Variants in CNTNAP5 observed in about 807,000 individuals in gnomAD.
CNTNAP5 encodes the protein contactin-associated protein-like 5.
CNTNAP5 carries 72 observed loss-of-function variants against 150.2 expected under a neutral mutation model. The observed-to-expected ratio is 0.48, with a 90% confidence interval of 0.40 to 0.58. The LOEUF is 0.58. Among genes scored for constraint, CNTNAP5 ranks in the 20% least tolerant of loss-of-function variants. The pLI is 0.00. For synonymous variants in CNTNAP5, 672 were observed against 619.8 expected, an observed-to-expected ratio of 1.08 and a Z score of -1.25; for missense variants, 1,636 against 1,626.2, an observed-to-expected ratio of 1.01 and a Z score of -0.10.
intron 1 of CNTNAP5, among the ~76,000 whole-genome samples, chr2:124,040,482 C>A (rs149791418): frequency 6.6e-6 from 1 of 152,052 alleles, no homozygotes; most frequent in East Asian, 1.9e-4. Context: ...GGTATTGATT[C>A]GTCGTTTTCA....
chr2:124,748,389 T>C (rs1680653328), intron 14 of CNTNAP5, among the ~76,000 whole-genome samples: 1 of 152,184 alleles, frequency 6.6e-6, no homozygotes, highest in South Asian at 2.1e-4. Flanking sequence ...GAAGCTTCCA[T>C]GCCCATTACA....
At chr2:124,783,198 G>C (rs1435082076) in intron 17 of CNTNAP5, among the ~76,000 whole-genome samples, 1 of 152,090 alleles carries the variant, frequency 6.6e-6, no homozygotes, top group Non-Finnish European at 1.5e-5. Context: ...TTCAGTTTGT[G>C]AAAAATTATC....
intron 19 of CNTNAP5, among the ~76,000 whole-genome samples, chr2:124,833,343 C>T (rs777233954): frequency 6.3e-4 from 96 of 152,234 alleles, no homozygotes; most frequent in Middle Eastern, 6.8e-3. Context: ...GAGAGACCCA[C>T]CTAGTCATCT....
At chr2:124,864,802 A>C (rs57754570) in intron 19 of CNTNAP5, among the ~76,000 whole-genome samples, 2 of 152,132 alleles carry the variant, frequency 1.3e-5, no homozygotes, top group Non-Finnish European at 2.9e-5. Flanking sequence ...GGGTTAATGG[A>C]CCCTAAAGGG....
intron 13 of CNTNAP5, among the ~76,000 whole-genome samples, chr2:124,707,036 AAGAAGG>A (rs759116951): frequency 0.014 from 1,350 of 99,584 alleles, 112 homozygotes; most frequent in African/African-American, 0.028. Context: ...GAAGAAGAAG[AAGAAGG>A]AGGAGGAGGA....
intron 4 of CNTNAP5, among the ~76,000 whole-genome samples, chr2:124,419,944 C>CTTTCT (rs1171193214): frequency 4.3e-5 from 5 of 117,046 alleles, no homozygotes; most frequent in Admixed American, 3.6e-4. Flanking sequence ...TTCTTTCTTT[C>CTTTCT]TTTCTTTCTT....
At chr2:124,575,441 G>T (rs1217270843) in intron 11 of CNTNAP5, among the ~76,000 whole-genome samples, 6 of 152,046 alleles carry the variant, frequency 3.9e-5, no homozygotes. Context: ...AACGCTCTTG[G>T]GTCACAAACC....
intron 3 of CNTNAP5, among the ~76,000 whole-genome samples, chr2:124,327,606 A>G (rs1384397286): frequency 6.6e-6 from 1 of 152,110 alleles, no homozygotes; most frequent in African/African-American, 2.4e-5. Flanking sequence ...TGCATAATAA[A>G]ACCTTGGTCT....
At chr2:124,689,639 G>A (rs1244161928) in intron 13 of CNTNAP5, among the ~76,000 whole-genome samples, 1 of 152,090 alleles carries the variant, frequency 6.6e-6, no homozygotes, top group Non-Finnish European at 1.5e-5. Flanking sequence ...ATGTTCAGAT[G>A]TGTGAATGTG....
intron 10 of CNTNAP5, among the ~76,000 whole-genome samples, chr2:124,537,054 AAGAG>A (rs1253339714): frequency 6.7e-6 from 1 of 148,380 alleles, no homozygotes; most frequent in South Asian, 2.1e-4. Flanking sequence ...GAGAGAGAGA[AAGAG>A]AGAGAGAGAC....
intron 1 of CNTNAP5, among the ~76,000 whole-genome samples, chr2:124,145,808 AC>A (rs1274754413): frequency 0.012 from 323 of 26,746 alleles, 4 homozygotes; most frequent in East Asian, 0.034. Context: ...AAAAAAAAAA[AC>A]ATTAAAAAAA....
chr2:124,859,118 G>A (rs1373401330), intron 19 of CNTNAP5, among the ~76,000 whole-genome samples: 11 of 151,824 alleles, frequency 7.2e-5, no homozygotes, highest in Non-Finnish European at 2.9e-5. Context: ...AGAGTGAACA[G>A]GCAACCTACA....
intron 11 of CNTNAP5, among the ~76,000 whole-genome samples, chr2:124,600,116 C>A (rs561099782): frequency 1.3e-5 from 2 of 152,276 alleles, no homozygotes; most frequent in East Asian, 1.9e-4. Context: ...CTTGTACTTC[C>A]TGAAACAGTT....
rs1030711769 is a variant in CNTNAP5 at position 124,528,816 on chromosome 2, G to T, written c.1649+1360G>T. On this transcript the variant is annotated intron_variant, in intron 10 of 23. Transcript: ENST00000682447. ...AGAGTACTCAAGAAGAAGTGAGAAAGGTGGATTGGAAGAGAGCTGGCCCAC... is the reference window on the plus strand; with the variant it reads ...AGAGTACTCAAGAAGAAGTGAGAAATGTGGATTGGAAGAGAGCTGGCCCAC... 2.0e-5 allele frequency among the ~76,000 whole-genome samples: 3 copies of T among 152,050 alleles called. No homozygotes were observed. In the South Asian group the frequency reaches 6.2e-4, roughly 32 times the overall value.
At chr2:124,125,358 G>A (rs898650798) in intron 1 of CNTNAP5, among the ~76,000 whole-genome samples, 7 of 152,166 alleles carry the variant, frequency 4.6e-5, no homozygotes, top group African/African-American at 1.7e-4. Flanking sequence ...AACAAGAAGA[G>A]CTAACTATCC....
intron 14 of CNTNAP5, among the ~76,000 whole-genome samples, chr2:124,751,009 G>A (rs1369476665): frequency 6.1e-5 from 9 of 146,604 alleles, no homozygotes; most frequent in African/African-American, 2.3e-4. Flanking sequence ...AAAAAAAGTA[G>A]TGGCAAAAAC....
chr2:124,510,516 T>TACACACACAC (rs1473390468), intron 8 of CNTNAP5, among the ~76,000 whole-genome samples: 4 of 123,218 alleles, frequency 3.2e-5, no homozygotes, highest in African/African-American at 1.3e-4. Flanking sequence ...TATATATATA[T>TACACACACAC]ATACATATAT....
intron 12 of CNTNAP5, among the ~76,000 whole-genome samples, chr2:124,642,601 A>T (rs983930188): frequency 1.3e-5 from 2 of 152,028 alleles, no homozygotes; most frequent in African/African-American, 4.8e-5. Context: ...CTACCCATGA[A>T]CTTTGCCCCA....
chr2:124,536,424 GT>G (rs1695232610), intron 10 of CNTNAP5, among the ~76,000 whole-genome samples: 1 of 152,054 alleles, frequency 6.6e-6, no homozygotes, highest in African/African-American at 2.4e-5. Flanking sequence ...GATCAGAAAT[GT>G]GGGTTGGGGG....
Sources: allele counts gnomAD v4.1 joint callset (sites outside exome capture counted in the v4.1 genomes callset), GRCh38; gene constraint gnomAD v4.1.1; transcripts MANE v1.5; gene names NCBI Gene and HGNC (gene_info 2026-07-23, HGNC 2026-07-21).